The following MSRA variants were observed in gnomAD, a reference collection of about 807,000 sequenced individuals.
MSRA encodes methionine sulfoxide reductase A.
In MSRA, 54 loss-of-function variants were observed where a neutral mutation model predicts 31.3. That is an observed-to-expected ratio of 1.73 (90% CI 1.39 to 2.17). The LOEUF is 2.17. MSRA is among the 30% of genes most tolerant of loss of function. The pLI is 0.00. For missense variants in MSRA, 507 were observed against 300.9 expected, an observed-to-expected ratio of 1.69 and a Z score of -5.07; for synonymous variants, 169 against 116.5, an observed-to-expected ratio of 1.45 and a Z score of -2.90.
At chr8:10,099,355 C>T (rs1034157383) in intron 1 of MSRA, among the ~76,000 whole-genome samples, 1 of 152,156 alleles carries the variant, frequency 6.6e-6, no homozygotes, top group African/African-American at 2.4e-5. Context: ...CAGATACTCC[C>T]AGAGGACTTG....
At chr8:10,163,566 GCC>G (rs1804856391) in intron 1 of MSRA, among the ~76,000 whole-genome samples, 1 of 152,212 alleles carries the variant, frequency 6.6e-6, no homozygotes, top group Admixed American at 6.5e-5. Context: ...TCCTGTTTCT[GCC>G]CCACGCTGGA....
chr8:10,133,478 G>A (rs757174343), intron 1 of MSRA, among the ~76,000 whole-genome samples: 1 of 152,148 alleles, frequency 6.6e-6, no homozygotes, highest in Non-Finnish European at 1.5e-5. Context: ...TCTCTCCTCT[G>A]TGCACATCCA....
At chr8:10,065,566 A>G (rs1482604689) in intron 1 of MSRA, among the ~76,000 whole-genome samples, 2 of 152,234 alleles carry the variant, frequency 1.3e-5, no homozygotes, top group African/African-American at 4.8e-5. Flanking sequence ...GAATTTGGAT[A>G]TGAAGTTCCA....
At chr8:10,133,123 G>A (rs1032581259) in intron 1 of MSRA, among the ~76,000 whole-genome samples, 1 of 152,186 alleles carries the variant, frequency 6.6e-6, no homozygotes, top group Non-Finnish European at 1.5e-5. Context: ...CTGGTTCCTG[G>A]ATCAATTGTT....
intron 1 of MSRA, among the ~76,000 whole-genome samples, chr8:10,068,181 G>A (rs562522682): frequency 1.3e-5 from 2 of 152,220 alleles, no homozygotes; most frequent in African/African-American, 4.8e-5. Flanking sequence ...ACCATGAGTG[G>A]CCTATTGTTG....
chr8:10,071,014 C>T (rs930689907), intron 1 of MSRA, among the ~76,000 whole-genome samples: 3 of 152,088 alleles, frequency 2.0e-5, no homozygotes, highest in Non-Finnish European at 4.4e-5. Context: ...GAGTAAGTGC[C>T]CAGGAGTGCA....
intron 2 of MSRA, among the ~76,000 whole-genome samples, chr8:10,215,530 A>G (rs772768356): frequency 8.5e-5 from 13 of 152,170 alleles, no homozygotes; most frequent in South Asian, 2.1e-4. Context: ...ACTAGGCTCT[A>G]TGGGATCCAT....
Position 10,295,835 on chromosome 8 carries a change from G to T in MSRA, c.332-5699G>T, listed in dbSNP as rs567211233. Among the ~76,000 whole-genome samples the T allele has an allele frequency of 4.1e-4, 63 of 152,262 alleles. No individual in the cohort carries two copies. In the South Asian group the frequency reaches 0.011, roughly 26 times the overall value. ...GTCTCATGGACTCTGGTGGACAAAG[G>T]TTCTTGTCAGAGGAAGTCGTTGACA... is the stretch of plus-strand genomic sequence containing the variant. On this transcript the variant is annotated intron_variant, in intron 3 of 5. Coordinates refer to ENST00000317173, the MANE Select transcript of MSRA (RefSeq NM_012331.5).
intron 5 of MSRA, chr8:10,320,359 C>A (rs1370058895): frequency 1.3e-5 from 2 of 157,462 alleles, no homozygotes; most frequent in Non-Finnish European, 2.8e-5. Flanking sequence ...TCCCAGCTAC[C>A]TGGGAGGGTG....
rs1798340598 is a variant in MSRA at position 10,082,409 on chromosome 8, C to CT, written c.142+27753dup. Reference sequence around the variant, plus strand: ...AGCCTCATTTCACAGCTTCTCCCTGCTTGAGGGCGAAGCTGTCCACCTTCC... The same window carrying CT: ...AGCCTCATTTCACAGCTTCTCCCTGCTTTGAGGGCGAAGCTGTCCACCTTCC... On this transcript the variant is annotated intron_variant, in intron 1 of 5. Coordinates refer to ENST00000317173, the MANE Select transcript of MSRA (RefSeq NM_012331.5). Among the ~76,000 whole-genome samples the CT allele has an allele frequency of 2.0e-5, 3 of 152,108 alleles. No homozygotes were observed. In the South Asian group the frequency reaches 6.2e-4, roughly 32 times the overall value.
chr8:10,151,540 C>G (rs1297621503), intron 1 of MSRA, among the ~76,000 whole-genome samples: 1 of 152,100 alleles, frequency 6.6e-6, no homozygotes, highest in Non-Finnish European at 1.5e-5. Context: ...GTCCCAGCTA[C>G]TCGGGAGGCT....
chr8:10,129,692 T>G (rs1801759466), intron 1 of MSRA, among the ~76,000 whole-genome samples: 1 of 152,084 alleles, frequency 6.6e-6, no homozygotes, highest in Admixed American at 6.6e-5. Context: ...TCTTTATTCC[T>G]CCATCCTTGA....
chr8:10,101,922 T>A (rs527797302), intron 1 of MSRA, among the ~76,000 whole-genome samples: 4 of 152,312 alleles, frequency 2.6e-5, no homozygotes, highest in African/African-American at 9.6e-5. Flanking sequence ...AATTCTGGGT[T>A]GACAATTTCT....
intron 5 of MSRA, among the ~76,000 whole-genome samples, chr8:10,356,186 A>G (rs577064246): frequency 6.6e-6 from 1 of 152,320 alleles, no homozygotes; most frequent in East Asian, 1.9e-4. Flanking sequence ...TCTTTTCTCT[A>G]GATCAAGCTT....
chr8:10,185,597 A>T (rs1255168803), intron 1 of MSRA, among the ~76,000 whole-genome samples: 2 of 152,150 alleles, frequency 1.3e-5, no homozygotes, highest in African/African-American at 2.4e-5. Context: ...ATGACAGAAG[A>T]GGGAAAGAAC....
chr8:10,160,581 G>A (rs1804548810), intron 1 of MSRA, among the ~76,000 whole-genome samples: 1 of 151,822 alleles, frequency 6.6e-6, no homozygotes, highest in Admixed American at 6.6e-5. Flanking sequence ...TCCGTTTCAT[G>A]AATTTAGCAG....
chr8:10,202,218 T>G (rs1285109584), intron 1 of MSRA, among the ~76,000 whole-genome samples: 1 of 152,206 alleles, frequency 6.6e-6, no homozygotes, highest in Non-Finnish European at 1.5e-5. Context: ...GATCTTTGGT[T>G]CTTTGGCCCC....
At chr8:10,081,615 G>A (rs1262125692) in intron 1 of MSRA, among the ~76,000 whole-genome samples, 2 of 152,084 alleles carry the variant, frequency 1.3e-5, no homozygotes, top group East Asian at 1.9e-4. Context: ...TTGGTCTCCC[G>A]AGTAGGTGGA....
intron 1 of MSRA, among the ~76,000 whole-genome samples, chr8:10,207,349 G>A: frequency 6.6e-6 from 1 of 152,198 alleles, no homozygotes; most frequent in Non-Finnish European, 1.5e-5. Flanking sequence ...GAAATGACAT[G>A]TTCTGCTATT....
Sources: allele counts gnomAD v4.1 joint callset (sites outside exome capture counted in the v4.1 genomes callset), GRCh38; gene constraint gnomAD v4.1.1; transcripts MANE v1.5; gene names NCBI Gene and HGNC (gene_info 2026-07-23, HGNC 2026-07-21).